The following RPS6KA2 variants were observed in gnomAD, a reference collection of about 807,000 sequenced individuals.
RPS6KA2 encodes ribosomal protein S6 kinase A2.
In RPS6KA2, 42 loss-of-function variants were observed where a neutral mutation model predicts 91.8. The ratio of observed to expected loss-of-function variants is 0.46; its 90% CI spans 0.36 to 0.59. The LOEUF is 0.59. Ranked by LOEUF, RPS6KA2 falls within the 20% of genes least tolerant of loss-of-function variation. The pLI, the probability that RPS6KA2 is intolerant of heterozygous loss-of-function variation, is 0.00. For missense variants in RPS6KA2, 798 were observed against 978.5 expected, an observed-to-expected ratio of 0.82 and a Z score of 2.46; for synonymous variants, 414 against 393.6, an observed-to-expected ratio of 1.05 and a Z score of -0.61.
intron 1 of RPS6KA2, among the ~76,000 whole-genome samples, chr6:166,592,809 C>T (rs1005189857): frequency 6.6e-6 from 1 of 152,332 alleles, no homozygotes; most frequent in African/African-American, 2.4e-5. Context: ...TTCGGGGAAA[C>T]AGATCATGCC....
At chr6:166,622,530 G>T (rs1312587750) in intron 1 of RPS6KA2, among the ~76,000 whole-genome samples, 1 of 152,028 alleles carries the variant, frequency 6.6e-6, no homozygotes, top group Admixed American at 6.6e-5. Flanking sequence ...GGTTTTCTTG[G>T]AAACCACCCA....
chr6:166,699,690 A>T (rs538277714), intron 2 of RPS6KA2, among the ~76,000 whole-genome samples: 1 of 152,324 alleles, frequency 6.6e-6, no homozygotes, highest in South Asian at 2.1e-4. Context: ...TTAAGGAGTG[A>T]GCAAATGAGT....
rs1477993184 is a variant in RPS6KA2 at position 166,703,252 on chromosome 6, CT to C, written c.123+154947del. Among the ~76,000 whole-genome samples, 3 of 152,354 alleles carry C rather than the reference CT, an allele frequency of 2.0e-5. No homozygotes were observed. The East Asian group carries it at 5.8e-4, about 29-fold the overall frequency. ...GGCTACATGTATTGATTAAAACTCC[CT>C]TCCCAATTATGTTACTATGGGAACA... On this transcript the variant is annotated intron_variant, in intron 2 of 21. Coordinates refer to the RPS6KA2 transcript ENST00000503859.
chr6:166,682,269 G>A (rs970962922), intron 2 of RPS6KA2, among the ~76,000 whole-genome samples: 1 of 152,216 alleles, frequency 6.6e-6, no homozygotes, highest in Admixed American at 6.5e-5. Flanking sequence ...TCACTTAGTT[G>A]TTTTTAGTCC....
rs569197346 is a variant in RPS6KA2, at chr6:166,450,103, G to A, written c.1206+1000C>T. Among the ~76,000 whole-genome samples the A allele has an allele frequency of 2.0e-5, 3 of 146,412 alleles. No individual in the cohort carries two copies. The East Asian group carries it at 6.2e-4, about 30-fold the overall frequency. On this transcript the variant is annotated intron_variant, in intron 13 of 20. Coordinates refer to ENST00000265678, the MANE Select transcript of RPS6KA2 (RefSeq NM_021135.6). ...GGGTACCACCGGGGAACCACCATGG[G>A]GACCAACATGGAGACCAACACAGGG... is the stretch of plus-strand genomic sequence containing the variant.
At chr6:166,617,321 G>T (rs1013231340) in intron 1 of RPS6KA2, among the ~76,000 whole-genome samples, 29 of 152,102 alleles carry the variant, frequency 1.9e-4, no homozygotes, top group Admixed American at 1.9e-3. Flanking sequence ...AAAAAATGTT[G>T]ATAGTTTCTC....
At chr6:166,618,111 T>G (rs1298759855) in intron 1 of RPS6KA2, among the ~76,000 whole-genome samples, 1 of 152,242 alleles carries the variant, frequency 6.6e-6, no homozygotes, top group Non-Finnish European at 1.5e-5. Context: ...AATATACCAC[T>G]GTGGGTGACC....
Position 166,498,645 on chromosome 6 carries a change from C to T in RPS6KA2, c.610G>A (p.Gly204Ser), listed in dbSNP as rs764071051. 16 of 1,613,658 alleles carry T rather than the reference C, an allele frequency of 9.9e-6. No individual in the cohort carries two copies. The highest frequency in any genetic ancestry group is 6.7e-5 in the East Asian group (3 of 44,898). ...EEGHIKITDF[G>S]LSKEAIDHDK... Reference sequence around the variant, plus strand: ...TGGTCAATGGCCTCCTTACTCAGGCCGAAATCTACATGCAAACACAGCACA... The same window carrying T: ...TGGTCAATGGCCTCCTTACTCAGGCTGAAATCTACATGCAAACACAGCACA... The change falls in exon 8 of 21, where the codon GGC (glycine) becomes AGC (serine). Residue 204 changes from glycine to serine, a missense_variant. Transcript: ENST00000265678.
At chr6:166,613,422 A>C (rs549622066) in intron 1 of RPS6KA2, among the ~76,000 whole-genome samples, 5 of 152,242 alleles carry the variant, frequency 3.3e-5, no homozygotes, top group African/African-American at 1.2e-4. Context: ...TCACCGAAGG[A>C]GTCTCAGGTT....
rs553942180 is a variant in RPS6KA2 at position 166,550,773 on chromosome 6, C to T, written c.100-11989G>A. On this transcript the variant is annotated intron_variant, in intron 1 of 20. Coordinates refer to ENST00000265678, the MANE Select transcript of RPS6KA2 (RefSeq NM_021135.6). ...ATCCCAGCACTTTGGGAGGCCAAGGCGGTCAGATCACAAGGTCAGGAGATC... is the reference window on the plus strand; with the variant it reads ...ATCCCAGCACTTTGGGAGGCCAAGGTGGTCAGATCACAAGGTCAGGAGATC... Among the ~76,000 whole-genome samples the T allele has an allele frequency of 7.0e-4, 106 of 152,044 alleles. 1 individual carries two copies. The highest frequency in any genetic ancestry group is 3.3e-3 in the East Asian group (17 of 5,170).
At chr6:166,438,177 G>GT (rs1220657322) in intron 14 of RPS6KA2, among the ~76,000 whole-genome samples, 4 of 152,250 alleles carry the variant, frequency 2.6e-5, no homozygotes, top group African/African-American at 9.6e-5. Flanking sequence ...AAGAACTCCT[G>GT]TTTTATCCTG....
intron 2 of RPS6KA2, among the ~76,000 whole-genome samples, chr6:166,808,153 C>T (rs574786649): frequency 7.9e-5 from 12 of 152,334 alleles, no homozygotes; most frequent in African/African-American, 2.4e-4. Flanking sequence ...CTCCCTGGAC[C>T]GGGCTGGGAC....
intron 6 of RPS6KA2, among the ~76,000 whole-genome samples, chr6:166,502,875 A>G (rs1562539002): frequency 6.6e-6 from 1 of 152,198 alleles, no homozygotes; most frequent in Non-Finnish European, 1.5e-5. Flanking sequence ...TACTCTGGAT[A>G]AAGTCTTTTT....
chr6:166,758,171 G>C (rs938749396), intron 2 of RPS6KA2, among the ~76,000 whole-genome samples: 27 of 152,212 alleles, frequency 1.8e-4, no homozygotes, highest in Non-Finnish European at 5.9e-5. Flanking sequence ...GGCGTAGGAG[G>C]AAGGTGAATG....
At position 166,767,806 on chromosome 6, in the gene RPS6KA2, C is replaced by T. The variant is rs1196275784; in HGVS notation, c.123+90394G>A. 7.4e-6 allele frequency among the ~76,000 whole-genome samples: 1 copy of T among 135,002 alleles called. No individual in the cohort carries two copies. Among genetic ancestry groups the T allele is most frequent in the Non-Finnish European group, 1.7e-5 (1 of 60,344 alleles). 88.6% of individuals were successfully genotyped at this position (135,002 alleles called of 152,430 possible). ...ACACACACACACACACACACACACA[C>T]ACACACACACCCTGGTGTCAGGCAG... On this transcript the variant is annotated intron_variant, in intron 2 of 21. Transcript: ENST00000503859. This position sits in a 1 kb window ranked among gnomAD's most constrained non-coding sequence, Gnocchi z 4.6.
intron 5 of RPS6KA2, among the ~76,000 whole-genome samples, chr6:166,507,093 A>C (rs1374982722): frequency 2.0e-5 from 3 of 151,864 alleles, no homozygotes; most frequent in African/African-American, 7.3e-5. Context: ...CGAAGACCAC[A>C]CCCGATGCTC....
intron 3 of RPS6KA2, among the ~76,000 whole-genome samples, chr6:166,528,204 T>C (rs1338708215): frequency 6.6e-6 from 1 of 152,224 alleles, no homozygotes; most frequent in South Asian, 2.1e-4. Flanking sequence ...TTTGAAGAGA[T>C]AGCTGTAACT....
intron 1 of RPS6KA2, among the ~76,000 whole-genome samples, chr6:166,596,370 G>A (rs944501803): frequency 6.6e-6 from 1 of 152,208 alleles, no homozygotes; most frequent in Admixed American, 6.5e-5. Context: ...GGGAGAGGCA[G>A]ACCCACCCTC....
At chr6:166,593,210 T>C (rs1785413674) in intron 1 of RPS6KA2, among the ~76,000 whole-genome samples, 1 of 152,178 alleles carries the variant, frequency 6.6e-6, no homozygotes, top group Non-Finnish European at 1.5e-5. Flanking sequence ...TCTAAGCGTT[T>C]GGAAGAAAAA....
Sources: allele counts gnomAD v4.1 joint callset (sites outside exome capture counted in the v4.1 genomes callset), GRCh38; gene constraint gnomAD v4.1.1; non-coding constraint Gnocchi (gnomAD v3.1); transcripts MANE v1.5; gene names NCBI Gene and HGNC (gene_info 2026-07-23, HGNC 2026-07-21).